TMEM45A: variants seen among roughly 807,000 people sequenced by gnomAD.
TMEM45A encodes the protein DNA polymerase-transactivated protein 4.
TMEM45A carries 25 observed loss-of-function variants against 32.0 expected under a neutral mutation model. That is an observed-to-expected ratio of 0.78 (90% CI 0.57 to 1.09). The LOEUF (loss-of-function observed/expected upper bound fraction) is 1.09. TMEM45A is among the 50% of genes least tolerant of loss of function. TMEM45A has a pLI of 0.00. For missense variants in TMEM45A, 302 were observed against 325.0 expected, an observed-to-expected ratio of 0.93 and a Z score of 0.54; for synonymous variants, 122 against 114.8, an observed-to-expected ratio of 1.06 and a Z score of -0.40.
intron 1 of TMEM45A, among the ~76,000 whole-genome samples, chr3:100,513,963 A>G (rs1199871173): frequency 6.6e-6 from 1 of 152,146 alleles, no homozygotes; most frequent in African/African-American, 2.4e-5. Context: ...ACCACTGCTC[A>G]AGGAAATAAA....
intron 1 of TMEM45A, among the ~76,000 whole-genome samples, chr3:100,510,991 G>A (rs1166803561): frequency 3.0e-4 from 46 of 152,292 alleles, no homozygotes; most frequent in South Asian, 2.1e-3. Flanking sequence ...CCAAATCTAC[G>A]TCTGATTGGT....
intron 5 of TMEM45A, among the ~76,000 whole-genome samples, chr3:100,575,151 T>C (rs1180008950): frequency 6.6e-6 from 1 of 152,176 alleles, no homozygotes; most frequent in African/African-American, 2.4e-5. Flanking sequence ...CATATTCCTA[T>C]GTATTTCTGG....
chr3:100,575,723 A>G (rs1385479616), intron 5 of TMEM45A, among the ~76,000 whole-genome samples: 2 of 152,174 alleles, frequency 1.3e-5, no homozygotes, highest in East Asian at 3.9e-4. Flanking sequence ...TACTTCTTTG[A>G]GCTTCTTAAT....
chr3:100,576,084 G>A (rs370856063), intron 5 of TMEM45A, among the ~76,000 whole-genome samples: 2 of 151,324 alleles, frequency 1.3e-5, no homozygotes, highest in South Asian at 2.1e-4. Flanking sequence ...AGGCTGAGGC[G>A]GTCAGATCAC....
At chr3:100,501,136 T>G (rs1708002783) in intron 1 of TMEM45A, among the ~76,000 whole-genome samples, 1 of 152,236 alleles carries the variant, frequency 6.6e-6, no homozygotes, top group South Asian at 2.1e-4. Flanking sequence ...ACTACTTGTA[T>G]AGTAAGCAAA....
intron 1 of TMEM45A, among the ~76,000 whole-genome samples, chr3:100,493,451 G>A (rs114724098): frequency 6.6e-6 from 1 of 151,970 alleles, no homozygotes; most frequent in African/African-American, 2.4e-5. Flanking sequence ...TAAATCTGGA[G>A]GTAGTTGCAA....
chr3:100,519,696 G>T, intron 1 of TMEM45A: 1 of 1,319,450 alleles, frequency 7.6e-7, no homozygotes, highest in Non-Finnish European at 1.1e-6. Flanking sequence ...GTTTGAACCT[G>T]ACTGTACCGT....
chr3:100,496,319 T>C (rs1707926614), intron 1 of TMEM45A, among the ~76,000 whole-genome samples: 1 of 152,380 alleles, frequency 6.6e-6, no homozygotes, highest in South Asian at 2.1e-4. Flanking sequence ...ATGATGGTCA[T>C]GTCCTCCTCA....
At chr3:100,493,616 A>T (rs1162071328) in intron 1 of TMEM45A, among the ~76,000 whole-genome samples, 2 of 151,860 alleles carry the variant, frequency 1.3e-5, no homozygotes, top group Non-Finnish European at 2.9e-5. Context: ...TGCACTATAT[A>T]GTATGGTATA....
At chr3:100,519,287 G>A (rs1414007321) in intron 1 of TMEM45A, 8 of 483,284 alleles carry the variant, frequency 1.7e-5, no homozygotes, top group Admixed American at 3.3e-5. Flanking sequence ...CGCATGATTC[G>A]TGGGGGACTC....
chr3:100,515,847 G>A (rs1376395016), intron 1 of TMEM45A, among the ~76,000 whole-genome samples: 1 of 152,150 alleles, frequency 6.6e-6, no homozygotes, highest in African/African-American at 2.4e-5. Flanking sequence ...TGGGAAGGGT[G>A]TGGGAGGAGG....
At chr3:100,529,815 A>G (rs558301839) in intron 1 of TMEM45A, among the ~76,000 whole-genome samples, 1 of 152,104 alleles carries the variant, frequency 6.6e-6, no homozygotes, top group African/African-American at 2.4e-5. Context: ...ATGGGGTTTC[A>G]TTATGTTGCC....
rs900639506 is a variant in TMEM45A at position 100,545,196 on chromosome 3, A to T, written c.-3-10013A>T. On this transcript the variant is annotated intron_variant, in intron 1 of 5. Transcript: ENST00000323523. ...TTTTGCTTTTTGTATCTTGTTAAAA[A>T]TTTTTTTCTTATCCCAAGGACATAA... 7.2e-5 allele frequency among the ~76,000 whole-genome samples: 11 copies of T among 152,158 alleles called. No homozygotes were observed. The South Asian group carries it at 1.7e-3, about 23-fold the overall frequency.
intron 1 of TMEM45A, among the ~76,000 whole-genome samples, chr3:100,518,734 C>T (rs555369572): frequency 6.6e-6 from 1 of 152,034 alleles, no homozygotes; most frequent in Non-Finnish European, 1.5e-5. Flanking sequence ...CTGGAGTGTT[C>T]GTCTATTCCC....
intron 1 of TMEM45A, among the ~76,000 whole-genome samples, chr3:100,524,928 A>G (rs1705511863): frequency 6.6e-6 from 1 of 152,138 alleles, no homozygotes; most frequent in South Asian, 2.1e-4. Flanking sequence ...GGTGGCTCAC[A>G]CCTGTAATCC....
At chr3:100,570,735 G>A (rs149831022) in intron 5 of TMEM45A, 1 of 152,150 alleles carries the variant, frequency 6.6e-6, no homozygotes, top group East Asian at 1.9e-4. Flanking sequence ...GTCTCTTCCT[G>A]TTTCAAAACG....
At chr3:100,520,774 C>A (rs2148947241) in intron 1 of TMEM45A, among the ~76,000 whole-genome samples, 1 of 152,280 alleles carries the variant, frequency 6.6e-6, no homozygotes, top group South Asian at 2.1e-4. Flanking sequence ...CATTTCCTGA[C>A]CCAACATAGT....
At chr3:100,571,439 A>G (rs1706557154) in intron 5 of TMEM45A, 1 of 152,148 alleles carries the variant, frequency 6.6e-6, no homozygotes, top group South Asian at 2.1e-4. Context: ...TATTAATTAA[A>G]TGCACCCTAA....
At chr3:100,541,649 C>A (rs1351019807) in intron 1 of TMEM45A, among the ~76,000 whole-genome samples, 1 of 151,496 alleles carries the variant, frequency 6.6e-6, no homozygotes, top group Non-Finnish European at 1.5e-5. Context: ...CCCACTTCAG[C>A]TTCCTGTGTA....
Sources: allele counts gnomAD v4.1 joint callset (sites outside exome capture counted in the v4.1 genomes callset), GRCh38; gene constraint gnomAD v4.1.1; transcripts MANE v1.5; gene names NCBI Gene and HGNC (gene_info 2026-07-23, HGNC 2026-07-21).